UMODL1: variants seen among roughly 807,000 people sequenced by gnomAD.
The protein encoded by UMODL1 is uromodulin-like 1.
Under a neutral mutation model 136.3 loss-of-function variants are expected in UMODL1, and 128 were observed. The ratio of observed to expected loss-of-function variants is 0.94; its 90% CI spans 0.81 to 1.09. The LOEUF (loss-of-function observed/expected upper bound fraction) is 1.09. Among genes scored for constraint, UMODL1 ranks in the 50% least tolerant of loss-of-function variants. The pLI is 0.00. For synonymous variants in UMODL1, 721 were observed against 720.0 expected (o/e 1.00, Z -0.02); for missense variants, 1,766 against 1,725.6 (o/e 1.02, Z -0.41).
chr21:42,077,596 A>T (rs1322392083), intron 2 of UMODL1, among the ~76,000 whole-genome samples: 1 of 152,270 alleles, frequency 6.6e-6, no homozygotes, highest in Non-Finnish European at 1.5e-5. Context: ...GTTATCAATC[A>T]GACGAATTCC....
chr21:42,126,370 C>A lies in UMODL1; in HGVS notation c.3173C>A (p.Thr1058Asn), dbSNP rs767403660. 1 of 1,614,196 alleles carries A rather than the reference C, an allele frequency of 6.2e-7. No homozygotes were observed. Among genetic ancestry groups the A allele is most frequent in the East Asian group, 2.2e-5 (1 of 44,876 alleles). The stretch of plus-strand genomic sequence containing the variant: ...AACATGACGAACACCGTGGTGAGGA[C>A]CACGCTGAGGAACGACCTGTCCCAG... The part of the protein sequence containing the change: ...QSNMTNTVVR[T>N]TLRNDLSQEG... The change falls in exon 18 of 23, where the codon ACC becomes AAC. Residue 1058 changes from threonine (T) to asparagine (N), a missense_variant. Transcript: ENST00000408910.
At chr21:42,092,637 C>A (rs921063159) in intron 6 of UMODL1, among the ~76,000 whole-genome samples, 3 of 152,208 alleles carry the variant, frequency 2.0e-5, no homozygotes, top group Admixed American at 6.5e-5. Context: ...TACAGGGAAT[C>A]TCTTTATATC....
chr21:42,094,619 G>A (rs2066531676), intron 6 of UMODL1, among the ~76,000 whole-genome samples: 1 of 152,180 alleles, frequency 6.6e-6, no homozygotes, highest in Admixed American at 6.5e-5. Context: ...GGGTGTCCTG[G>A]CTAATGAAAA....
At chr21:42,084,720 A>C (rs911868238) in intron 3 of UMODL1, among the ~76,000 whole-genome samples, 3 of 150,674 alleles carry the variant, frequency 2.0e-5, no homozygotes, top group Admixed American at 2.0e-4. Flanking sequence ...TGGCCTATAC[A>C]TATATATATA....
At chr21:42,086,562 G>A (rs2066429369) in intron 4 of UMODL1, 2 of 455,834 alleles carry the variant, frequency 4.4e-6, no homozygotes, top group Middle Eastern at 8.6e-4. Context: ...TGGCCAGTAA[G>A]AAACTAGCTC....
chr21:42,072,930 C>T (rs557983049), intron 1 of UMODL1, among the ~76,000 whole-genome samples: 93 of 152,326 alleles, frequency 6.1e-4, no homozygotes, highest in African/African-American at 1.9e-3. Flanking sequence ...AGAAGCCAGG[C>T]TTGGGATGGC....
intron 13 of UMODL1, among the ~76,000 whole-genome samples, chr21:42,115,223 T>TGG (rs553008631): frequency 6.6e-6 from 1 of 152,328 alleles, no homozygotes; most frequent in Non-Finnish European, 1.5e-5. Context: ...GTGGCTGCCA[T>TGG]GCCAGGGCCA....
At chr21:42,067,109 G>GATT (rs1311346723), upstream of UMODL1, among the ~76,000 whole-genome samples, 4 of 151,990 alleles carry the variant, frequency 2.6e-5, no homozygotes, top group Non-Finnish European at 5.9e-5. Flanking sequence ...AAGTAGCTGA[G>GATT]ATTATAGGCA....
chr21:42,135,353 T>C (rs1198043219), intron 21 of UMODL1, among the ~76,000 whole-genome samples: 1 of 152,182 alleles, frequency 6.6e-6, no homozygotes, highest in Non-Finnish European at 1.5e-5. Context: ...TGTCAGTCAG[T>C]GGGCAGCACT....
At chr21:42,111,334 C>T (rs1231159290) in intron 11 of UMODL1, 172 bp from the exon 12 acceptor site, 1 of 1,605,622 alleles carries the variant, frequency 6.2e-7, no homozygotes, top group Non-Finnish European at 8.5e-7. Context: ...GGAGCCCCAG[C>T]CAGGGGAGCC....
chr21:42,088,226 C>A, intron 4 of UMODL1, 68 bp from the exon 5 acceptor site: 2 of 1,541,258 alleles, frequency 1.3e-6, no homozygotes, highest in Admixed American at 1.7e-5. Context: ...GCTCTGCGGG[C>A]CTCAGTCTCC....
chr21:42,116,106 G>A (rs559953733), intron 14 of UMODL1, 121 bp downstream of exon 14: 72 of 674,524 alleles, frequency 1.1e-4, no homozygotes, highest in African/African-American at 7.1e-4. Flanking sequence ...AGGCAGAGGC[G>A]GGCAGATTGC....
intron 2 of UMODL1, among the ~76,000 whole-genome samples, chr21:42,083,710 T>C (rs1283716163): frequency 6.6e-6 from 1 of 152,268 alleles, no homozygotes; most frequent in African/African-American, 2.4e-5. Flanking sequence ...GCCCGGCACA[T>C]AGCAGGTGCT....
At chr21:42,110,778 G>C in intron 10 of UMODL1, 102 bp from the exon 11 acceptor site, 1 of 1,182,966 alleles carries the variant, frequency 8.5e-7, no homozygotes, top group Non-Finnish European at 1.2e-6. Flanking sequence ...GTCCACTCCG[G>C]GATGCAGAGC....
At chr21:42,073,697 C>A (rs1285352104) in intron 1 of UMODL1, among the ~76,000 whole-genome samples, 1 of 152,200 alleles carries the variant, frequency 6.6e-6, no homozygotes, top group Non-Finnish European at 1.5e-5. Flanking sequence ...TTTCTGCACA[C>A]TTGTAGGTTG....
chr21:42,069,386 C>T (rs566237393), upstream of UMODL1, among the ~76,000 whole-genome samples: 125 of 152,124 alleles, frequency 8.2e-4, no homozygotes, highest in African/African-American at 2.8e-3. Context: ...TATAAAGAGA[C>T]AGCATGTTAC....
intron 22 of UMODL1, among the ~76,000 whole-genome samples, chr21:42,141,077 T>A (rs563031013): frequency 2.0e-5 from 3 of 152,176 alleles, no homozygotes; most frequent in Non-Finnish European, 4.4e-5. Context: ...TTTCTTGAGA[T>A]AACAGATTTT....
chr21:42,075,251 G>A (rs199531873), intron 1 of UMODL1, among the ~76,000 whole-genome samples: 2 of 149,064 alleles, frequency 1.3e-5, no homozygotes, highest in Non-Finnish European at 3.0e-5. Context: ...TGGGGGGGGG[G>A]TTTCACCATG....
chr21:42,063,695 C>G (rs532338968), intron 1 of UMODL1, among the ~76,000 whole-genome samples: 1 of 152,220 alleles, frequency 6.6e-6, no homozygotes, highest in Admixed American at 6.5e-5. Context: ...AAGGAGCTAT[C>G]GTGAACATTG....
Sources: gnomAD v4.1 joint callset for allele counts (sites outside exome capture counted in the v4.1 genomes callset) on GRCh38, gnomAD v4.1.1 for gene constraint, MANE v1.5 for transcripts, NCBI Gene and HGNC (gene_info 2026-07-23, HGNC 2026-07-21) for gene names.